The following PKN2 variants were observed in gnomAD, a reference collection of about 807,000 sequenced individuals.
The protein encoded by PKN2 is serine/threonine-protein kinase N2.
A neutral mutation model predicts 119.1 loss-of-function variants in PKN2; 38 were observed. The observed-to-expected ratio is 0.32, with a 90% CI of 0.25 to 0.42. The LOEUF is 0.42. PKN2 is among the 10% of genes least tolerant of loss of function. The pLI is 1.00. For missense variants in PKN2, 850 were observed against 1,165.1 expected, an observed-to-expected ratio of 0.73 and a Z score of 3.94; for synonymous variants, 390 against 384.9, an observed-to-expected ratio of 1.01 and a Z score of -0.15.
Position 88,833,544 on chromosome 1 carries a change from T to A in PKN2, c.*96T>A. The A allele has an allele frequency of 3.4e-6, 3 of 873,392 alleles. No individual in the cohort carries two copies. Among genetic ancestry groups the A allele is most frequent in the Non-Finnish European group, 5.4e-6 (3 of 550,930 alleles). The allele number at this position is 873,392 out of a possible 1,614,324, so 54.1% of individuals were successfully genotyped here. ...CTCTGTGCCACCAATAGCTTCTGAG[T>A]TTTTTGTTGTTGTTGTTTTTATTGA... On this transcript the variant is annotated 3_prime_UTR_variant, in exon 22 of 22. Transcript: ENST00000370521.
chr1:88,822,960 T>C (rs1349499971), intron 17 of PKN2, among the ~76,000 whole-genome samples: 1 of 152,190 alleles, frequency 6.6e-6, no homozygotes, highest in African/African-American at 2.4e-5. Context: ...GGCTCATGCC[T>C]GTAACCCCAG....
intron 3 of PKN2, among the ~76,000 whole-genome samples, chr1:88,764,174 T>C (rs1350162466): frequency 6.6e-6 from 1 of 152,192 alleles, no homozygotes; most frequent in African/African-American, 2.4e-5. Flanking sequence ...CATTACACTC[T>C]AGCTACTCTA....
intron 6 of PKN2, among the ~76,000 whole-genome samples, chr1:88,772,391 C>T (rs1470471956): frequency 6.6e-6 from 1 of 152,146 alleles, no homozygotes; most frequent in African/African-American, 2.4e-5. Context: ...ACTTTTTGTG[C>T]ACCCAACATG....
chr1:88,805,684 G>C lies in PKN2; in HGVS notation c.1676+13G>C, dbSNP rs1219937186. 3 of 1,613,080 alleles carry C rather than the reference G, an allele frequency of 1.9e-6. No individual in the cohort carries two copies. The highest frequency in any genetic ancestry group is 3.3e-4 in the Middle Eastern group (2 of 6,082). ...CACCTCCAGCTAGGTATGTGTCTGA[G>C]ATTTTAAGCATCTCTTATACAAAGT... is the stretch of plus-strand genomic sequence containing the variant. On this transcript the variant is annotated intron_variant, in intron 11 of 21. Coordinates refer to ENST00000370521, the MANE Select transcript of PKN2 (RefSeq NM_006256.4).
chr1:88,755,963 A>G (rs1001490282), intron 2 of PKN2, among the ~76,000 whole-genome samples: 1 of 148,066 alleles, frequency 6.8e-6, no homozygotes, highest in African/African-American at 2.5e-5. Flanking sequence ...ACCAGGCTGG[A>G]GTTCAGTGGC....
At chr1:88,743,518 C>A (rs1182797922) in intron 2 of PKN2, among the ~76,000 whole-genome samples, 2 of 152,152 alleles carry the variant, frequency 1.3e-5, no homozygotes, top group African/African-American at 2.4e-5. Context: ...TTAGGTATTA[C>A]CATAAAACCT....
At chr1:88,802,581 G>T (rs1049111932) in intron 8 of PKN2, among the ~76,000 whole-genome samples, 2 of 152,026 alleles carry the variant, frequency 1.3e-5, no homozygotes, top group Non-Finnish European at 2.9e-5. Context: ...CCACGTCAAC[G>T]TCCCAAAGTG....
Position 88,833,595 on chromosome 1 carries a change from A to G in PKN2, c.*147A>G, listed in dbSNP as rs1163726959. 1.2e-5 allele frequency: 8 copies of G among 641,860 alleles called. No homozygotes were observed. Among genetic ancestry groups the G allele is most frequent in the Non-Finnish European group, 2.2e-5 (8 of 369,224 alleles). 39.8% of individuals were successfully genotyped at this position (641,860 alleles called of 1,614,324 possible). On this transcript the variant is annotated 3_prime_UTR_variant, in exon 22 of 22. Transcript: ENST00000370521. The stretch of plus-strand genomic sequence containing the variant: ...AACACGTGAAGATTTGTTTAAAAGT[A>G]CCATTCTAATACTTCTTCAAAAGTG...
intron 1 of PKN2, among the ~76,000 whole-genome samples, chr1:88,703,493 A>G (rs1317820546): frequency 6.6e-6 from 1 of 152,166 alleles, no homozygotes; most frequent in Non-Finnish European, 1.5e-5. Flanking sequence ...CTATGTTACA[A>G]AGCAAGTTAG....
At chr1:88,750,366 T>A (rs1668939421) in intron 2 of PKN2, among the ~76,000 whole-genome samples, 1 of 152,182 alleles carries the variant, frequency 6.6e-6, no homozygotes, top group Non-Finnish European at 1.5e-5. Context: ...GTTCTAGAAC[T>A]CTGTTTCATC....
rs1023908883 is a variant in PKN2, at chr1:88,805,363, A to C, written c.1502-134A>C. The C allele has an allele frequency of 1.2e-5, 8 of 688,566 alleles. No homozygotes were observed. In the African/African-American group the frequency reaches 1.5e-4, roughly 12 times the overall value. The allele number at this position is 688,566 out of a possible 1,614,324, so 42.7% of individuals were successfully genotyped here. A position where few individuals can be genotyped will look rare whatever the true frequency, so the allele number is the denominator to read the frequency against. On this transcript the variant is annotated intron_variant, in intron 10 of 21. Transcript: ENST00000370521. ...AGCCTTTACTAGCAAATAGTAAAAAACTAGTTTTTTTAAGTGACAAATTTT... is the reference window on the plus strand; with the variant it reads ...AGCCTTTACTAGCAAATAGTAAAAACCTAGTTTTTTTAAGTGACAAATTTT...
intron 1 of PKN2, among the ~76,000 whole-genome samples, chr1:88,701,015 A>G (rs868816677): frequency 2.6e-5 from 4 of 152,234 alleles, no homozygotes; most frequent in Non-Finnish European, 4.4e-5. Context: ...TTGAATTCCC[A>G]CATCTCAGAC....
intron 6 of PKN2, among the ~76,000 whole-genome samples, chr1:88,781,429 A>T (rs1444913654): frequency 6.7e-6 from 1 of 148,456 alleles, no homozygotes; most frequent in Non-Finnish European, 1.5e-5. Flanking sequence ...AATAGGTATA[A>T]AATAGTTTTC....
chr1:88,784,912 TTTAAAATTATGG>T, intron 7 of PKN2, 88 bp downstream of exon 7: 1 of 618,934 alleles, frequency 1.6e-6, no homozygotes. Flanking sequence ...GACAAAACAC[TTTAAAATTATGG>T]TTTTTATAAT....
intron 6 of PKN2, among the ~76,000 whole-genome samples, chr1:88,778,274 A>T (rs1212226180): frequency 2.6e-5 from 4 of 152,224 alleles, no homozygotes; most frequent in Non-Finnish European, 5.9e-5. Flanking sequence ...CCTGTCTCAG[A>T]TACTTTTTGG....
intron 1 of PKN2, among the ~76,000 whole-genome samples, chr1:88,727,378 C>G (rs187280244): frequency 4.8e-4 from 73 of 152,020 alleles, no homozygotes. Flanking sequence ...ACTGTATTGC[C>G]CAGTCTGGTC....
chr1:88,751,633 A>T (rs1363390618), intron 2 of PKN2, among the ~76,000 whole-genome samples: 1 of 152,088 alleles, frequency 6.6e-6, no homozygotes, highest in Non-Finnish European at 1.5e-5. Flanking sequence ...TGTTCTATTT[A>T]TATCATTTTA....
intron 7 of PKN2, among the ~76,000 whole-genome samples, 186 bp from the exon 8 acceptor site, chr1:88,785,918 G>C (rs916041012): frequency 6.6e-6 from 1 of 152,120 alleles, no homozygotes; most frequent in Non-Finnish European, 1.5e-5. Flanking sequence ...AAACAATTTG[G>C]GAGTGTCTAG....
At chr1:88,758,458 A>G (rs1669306943) in intron 2 of PKN2, among the ~76,000 whole-genome samples, 1 of 151,994 alleles carries the variant, frequency 6.6e-6, no homozygotes, top group African/African-American at 2.4e-5. Flanking sequence ...GTTTTATTAT[A>G]CAGATTATTT....
Sources: gnomAD v4.1 joint callset for allele counts (sites outside exome capture counted in the v4.1 genomes callset) on GRCh38, gnomAD v4.1.1 for gene constraint, MANE v1.5 for transcripts, NCBI Gene and HGNC (gene_info 2026-07-23, HGNC 2026-07-21) for gene names.